Variants in KIF1B observed in about 807,000 individuals in gnomAD.
The protein encoded by KIF1B is kinesin family member 1B.
KIF1B carries 76 observed loss-of-function variants against 241.9 expected under a neutral mutation model. The ratio of observed to expected loss-of-function variants is 0.31; its 90% CI spans 0.26 to 0.38. The LOEUF (loss-of-function observed/expected upper bound fraction) is 0.38. Among genes scored for constraint, KIF1B ranks in the 10% least tolerant of loss-of-function variants. The pLI, the probability that KIF1B is intolerant of heterozygous loss-of-function variation, is 1.00. For synonymous variants in KIF1B, 750 were observed against 796.7 expected (o/e 0.94, Z 0.99); for missense variants, 1,622 against 2,271.4 (o/e 0.71, Z 5.81).
At chr1:10,273,104 G>A in intron 10 of KIF1B, 73 bp downstream of exon 10, 1 of 1,112,694 alleles carries the variant, frequency 9.0e-7, no homozygotes, top group Non-Finnish European at 1.3e-6. Context: ...ATGTATGGAG[G>A]CATAAGTAGG....
intron 1 of KIF1B, among the ~76,000 whole-genome samples, chr1:10,212,163 A>G (rs1005790121): frequency 1.3e-5 from 2 of 152,184 alleles, no homozygotes; most frequent in African/African-American, 4.8e-5. Context: ...GAGCCTGATG[A>G]AAGTGTGCTG....
rs1042611296 is a variant in KIF1B at position 10,326,333 on chromosome 1, A to T, written c.2898A>T (p.Arg966=). 1.2e-6 allele frequency: 2 copies of T among 1,614,042 alleles called. No individual in the cohort carries two copies. The highest frequency in any genetic ancestry group is 2.7e-5 in the African/African-American group (2 of 74,902). Residue 966 remains arginine, a synonymous_variant, in exon 27 of 49, where the codon CGA becomes CGT. Coordinates refer to ENST00000676179, the MANE Select transcript of KIF1B (RefSeq NM_001365951.3). This position sits in a 1 kb window ranked among gnomAD's most constrained non-coding sequence, Gnocchi z 5.2. ...ACGGGCATGACCCGTTTTACGACCG[A>T]TCCCCTTGGTTCATTTTAGTGGGAA... ...FSDGHDPFYD[R]SPWFILVGRA... is the part of the protein sequence containing the mutation.
At position 10,308,630 on chromosome 1, in the gene KIF1B, A is replaced by G. The variant is rs147225148; in HGVS notation, c.2115+11384A>G. 4.9e-6 allele frequency: 5 copies of G among 1,011,630 alleles called. No individual in the cohort carries two copies. In the East Asian group the frequency reaches 3.5e-4, roughly 71 times the overall value. The allele number at this position is 1,011,630 out of a possible 1,614,324, so 62.7% of individuals were successfully genotyped here. A position where few individuals can be genotyped will look rare whatever the true frequency, so the allele number is the denominator to read the frequency against. On this transcript the variant is annotated intron_variant, in intron 22 of 48. Transcript: ENST00000676179. ...ATTTCTCTCTATGTGGGAAGAGGGA[A>G]AAGGAAAGCAAGGTAATGCTAACTA... is the stretch of plus-strand genomic sequence containing the variant.
chr1:10,279,443 A>G (rs1420907014), intron 14 of KIF1B, among the ~76,000 whole-genome samples: 1 of 152,206 alleles, frequency 6.6e-6, no homozygotes, highest in Admixed American at 6.5e-5. Flanking sequence ...AGCAACTGAC[A>G]CTTACTGATT....
At chr1:10,274,821 G>T (rs1320607587) in intron 10 of KIF1B, 2 of 218,678 alleles carry the variant, frequency 9.1e-6, no homozygotes, top group Non-Finnish European at 1.9e-5. Flanking sequence ...GGTATTTGAT[G>T]ATGTTAGGGA....
intron 36 of KIF1B, among the ~76,000 whole-genome samples, chr1:10,348,127 G>A (rs1452788803): frequency 6.6e-6 from 1 of 151,890 alleles, no homozygotes; most frequent in Non-Finnish European, 1.5e-5. Flanking sequence ...TTTTCATTTC[G>A]TGATGTTTGG....
chr1:10,269,799 CAA>C (rs1300147815), intron 7 of KIF1B, among the ~76,000 whole-genome samples: 3 of 152,138 alleles, frequency 2.0e-5, no homozygotes, highest in East Asian at 1.9e-4. Context: ...GCCTGGGTAA[CAA>C]GAGCGAAACT....
intron 22 of KIF1B, chr1:10,307,900 G>T (rs1650906041): frequency 9.5e-7 from 1 of 1,049,632 alleles, no homozygotes; most frequent in Non-Finnish European, 1.2e-6. Flanking sequence ...CTTTATTCCT[G>T]CTTCTAATTC....
intron 4 of KIF1B, among the ~76,000 whole-genome samples, chr1:10,259,925 A>G (rs1648030390): frequency 6.6e-6 from 1 of 152,036 alleles, no homozygotes; most frequent in Non-Finnish European, 1.5e-5. Flanking sequence ...CTGGGATTAC[A>G]GGCATGAGCC....
chr1:10,370,731 T>A (rs750450068), intron 44 of KIF1B, among the ~76,000 whole-genome samples: 3 of 151,812 alleles, frequency 2.0e-5, no homozygotes, highest in Non-Finnish European at 2.9e-5. Context: ...CTTGCCCCTT[T>A]TATAAATGTC....
At chr1:10,343,101 C>T (rs551942194) in intron 33 of KIF1B, 131 bp from the exon 34 acceptor site, 9 of 888,816 alleles carry the variant, frequency 1.0e-5, no homozygotes, top group African/African-American at 5.0e-5. Flanking sequence ...AGAACTTTTA[C>T]GTACATTCTC....
At chr1:10,284,441 T>C (rs1308713956) in intron 15 of KIF1B, among the ~76,000 whole-genome samples, 2 of 152,014 alleles carry the variant, frequency 1.3e-5, no homozygotes, top group African/African-American at 2.4e-5. Flanking sequence ...ATCCCAGCAC[T>C]TTGGGAGGCT....
At chr1:10,358,866 T>A (rs1638337139) in intron 38 of KIF1B, among the ~76,000 whole-genome samples, 1 of 152,198 alleles carries the variant, frequency 6.6e-6, no homozygotes, top group Admixed American at 6.5e-5. Flanking sequence ...GCCCAAGAAC[T>A]ATAGAAAGGC....
intron 4 of KIF1B, 132 bp downstream of exon 4, chr1:10,258,804 CATT>C: frequency 2.2e-6 from 2 of 893,610 alleles, no homozygotes; most frequent in Non-Finnish European, 3.5e-6. Flanking sequence ...ATGAACAACC[CATT>C]ATTTTCCCTC....
intron 10 of KIF1B, among the ~76,000 whole-genome samples, chr1:10,274,222 G>A (rs1490716390): frequency 6.6e-6 from 1 of 152,106 alleles, no homozygotes; most frequent in Non-Finnish European, 1.5e-5. Flanking sequence ...ACAGGCATGA[G>A]CCACTGTGCC....
chr1:10,248,890 C>A (rs1405464450), intron 2 of KIF1B, among the ~76,000 whole-genome samples: 2 of 152,028 alleles, frequency 1.3e-5, no homozygotes, highest in African/African-American at 4.8e-5. Flanking sequence ...TGCTGTGTGT[C>A]CAGAGCAACC....
Position 10,220,636 on chromosome 1 carries a change from C to T in KIF1B, c.-80+9758C>T, listed in dbSNP as rs76879053. On this transcript the variant is annotated intron_variant, in intron 1 of 48. Transcript: ENST00000676179. The stretch of plus-strand genomic sequence containing the variant: ...ATCACACCACTCACTCCAACCTGGG[C>T]GGTGAAAAAGTGAGACCCCTTTTCT... 9.3e-3 allele frequency among the ~76,000 whole-genome samples: 1,417 copies of T among 152,108 alleles called. 36 individuals are homozygous for T. The highest frequency in any genetic ancestry group is 0.093 in the East Asian group (482 of 5,182).
At chr1:10,237,203 A>G (rs535406824) in intron 2 of KIF1B, among the ~76,000 whole-genome samples, 5 of 152,336 alleles carry the variant, frequency 3.3e-5, no homozygotes, top group South Asian at 4.1e-4. Context: ...AGCACATGCA[A>G]ATGGCTCTGT....
chr1:10,318,229 A>G (rs1034372925), intron 22 of KIF1B, among the ~76,000 whole-genome samples: 1 of 151,596 alleles, frequency 6.6e-6, no homozygotes, highest in African/African-American at 2.4e-5. Context: ...GACCAGAACC[A>G]TAGAGGATAT....
Sources: gnomAD v4.1 joint callset for allele counts (sites outside exome capture counted in the v4.1 genomes callset) on GRCh38, gnomAD v4.1.1 for gene constraint, Gnocchi (gnomAD v3.1) non-coding constraint, MANE v1.5 for transcripts, NCBI Gene and HGNC (gene_info 2026-07-23, HGNC 2026-07-21) for gene names.